SIL1: variants seen among roughly 807,000 people sequenced by gnomAD.
SIL1 encodes the protein SIL1 nucleotide exchange factor, also known as nucleotide exchange factor SIL1.
SIL1 carries 40 observed loss-of-function variants against 49.1 expected under a neutral mutation model. The ratio of observed to expected loss-of-function variants is 0.81; its 90% CI spans 0.63 to 1.06. The LOEUF (loss-of-function observed/expected upper bound fraction) is 1.06. Ranked by LOEUF, SIL1 falls within the 50% of genes least tolerant of loss-of-function variation. The pLI is 0.00. For missense variants in SIL1, 500 were observed against 572.6 expected (o/e 0.87, Z 1.29); for synonymous variants, 253 against 250.8 (o/e 1.01, Z -0.08).
At chr5:139,188,881 CAA>C (rs1250775121) in intron 1 of SIL1, among the ~76,000 whole-genome samples, 2 of 152,130 alleles carry the variant, frequency 1.3e-5, no homozygotes, top group East Asian at 3.8e-4. Context: ...GAGCACCTGA[CAA>C]GAGAGAACCT....
At chr5:139,134,068 G>A (rs1434027219) in intron 1 of SIL1, among the ~76,000 whole-genome samples, 1 of 152,132 alleles carries the variant, frequency 6.6e-6, no homozygotes, top group East Asian at 1.9e-4. Flanking sequence ...TGAATAGGAA[G>A]TACTGGGTAC....
chr5:139,158,534 G>A (rs1751446830), intron 1 of SIL1, among the ~76,000 whole-genome samples: 1 of 152,160 alleles, frequency 6.6e-6, no homozygotes, highest in South Asian at 2.1e-4. Flanking sequence ...AGTACCTGAA[G>A]GGAGCCCACC....
intron 3 of SIL1, among the ~76,000 whole-genome samples, chr5:139,055,589 A>ACTCTCCCTCTCC (rs747907072): frequency 1.8e-5 from 2 of 110,100 alleles, no homozygotes; most frequent in East Asian, 2.5e-4. Context: ...AACATCACTG[A>ACTCTCCCTCTCC]CTCTCCCTCT....
intron 7 of SIL1, among the ~76,000 whole-genome samples, chr5:138,996,669 G>A (rs1767877462): frequency 6.6e-6 from 1 of 151,712 alleles, no homozygotes; most frequent in African/African-American, 2.4e-5. Context: ...ACAGGTGCGA[G>A]CCACCACGCC....
chr5:139,072,278 G>A (rs911712535), intron 3 of SIL1, among the ~76,000 whole-genome samples: 3 of 152,010 alleles, frequency 2.0e-5, no homozygotes, highest in African/African-American at 7.2e-5. Flanking sequence ...AAATAACTCA[G>A]AATACCAGTC....
chr5:139,030,256 G>A (rs1189242138), intron 5 of SIL1, among the ~76,000 whole-genome samples: 1 of 152,064 alleles, frequency 6.6e-6, no homozygotes, highest in African/African-American at 2.4e-5. Flanking sequence ...CCTGAGGCCA[G>A]GAGTTCAAAA....
chr5:139,087,603 C>G (rs970756988), intron 3 of SIL1, among the ~76,000 whole-genome samples: 1 of 151,946 alleles, frequency 6.6e-6, no homozygotes, highest in East Asian at 1.9e-4. Flanking sequence ...TGAGGTGAAA[C>G]AATAGGCTTA....
At chr5:139,028,744 AGTTTT>A (rs1768719947) in intron 5 of SIL1, among the ~76,000 whole-genome samples, 1 of 152,184 alleles carries the variant, frequency 6.6e-6, no homozygotes, top group Admixed American at 6.5e-5. Flanking sequence ...GGATTTCACC[AGTTTT>A]TACATATACT....
At chr5:138,963,068 T>G (rs1304920378) in intron 7 of SIL1, among the ~76,000 whole-genome samples, 2 of 152,104 alleles carry the variant, frequency 1.3e-5, no homozygotes, top group Admixed American at 6.5e-5. Flanking sequence ...TTTATCAACT[T>G]TATTAGAGAA....
intron 7 of SIL1, among the ~76,000 whole-genome samples, chr5:138,979,954 A>C (rs1442550325): frequency 1.3e-5 from 2 of 152,182 alleles, no homozygotes; most frequent in Admixed American, 1.3e-4. Flanking sequence ...CACCCGGGTG[A>C]GCAAAAGACA....
At chr5:139,094,157 A>C in intron 3 of SIL1, among the ~76,000 whole-genome samples, 1 of 152,222 alleles carries the variant, frequency 6.6e-6, no homozygotes, top group Non-Finnish European at 1.5e-5. Flanking sequence ...TGCTGAGCAA[A>C]AGTGGAAAAG....
intron 1 of SIL1, among the ~76,000 whole-genome samples, chr5:139,197,411 A>C (rs996838683): frequency 1.1e-4 from 16 of 151,836 alleles, no homozygotes; most frequent in African/African-American, 3.6e-4. Context: ...GTTTTTATTT[A>C]GGTTTATTGA....
In SIL1 at chr5:138,947,339, C is replaced by T. The variant is rs755849572; in HGVS notation, c.1164G>A (p.Leu388=). The change falls in exon 10 of 10, where the codon CTG becomes CTA. Residue 388 remains leucine (L), a synonymous_variant. Coordinates refer to ENST00000394817, the MANE Select transcript of SIL1 (RefSeq NM_022464.5). This position sits in a 1 kb window ranked among gnomAD's most constrained non-coding sequence, Gnocchi z 4.1. ...WCEITAHLLA[L]PEHDAREKVL... ...CCTTCTCACGGGCATCATGCTCGGG[C>T]AGCGCCAGGAGGTGGGCCGTGATCT... is the stretch of plus-strand genomic sequence containing the variant. The T allele has an allele frequency of 6.2e-7, 1 of 1,613,634 alleles. No homozygotes were observed. Among genetic ancestry groups the T allele is most frequent in the Non-Finnish European group, 8.5e-7 (1 of 1,180,042 alleles).
At chr5:139,117,959 G>A (rs575352548) in intron 3 of SIL1, among the ~76,000 whole-genome samples, 3 of 152,222 alleles carry the variant, frequency 2.0e-5, no homozygotes, top group East Asian at 1.9e-4. Context: ...AACAGCCCAC[G>A]AAACCTAGTT....
At chr5:139,197,662 G>C (rs1752304131) in intron 1 of SIL1, among the ~76,000 whole-genome samples, 1 of 152,128 alleles carries the variant, frequency 6.6e-6, no homozygotes, top group Non-Finnish European at 1.5e-5. Flanking sequence ...TTCTGAAGCA[G>C]GGATTTTCAA....
chr5:139,049,567 T>C (rs1769242632), intron 4 of SIL1, among the ~76,000 whole-genome samples: 2 of 152,080 alleles, frequency 1.3e-5, no homozygotes, highest in African/African-American at 4.8e-5. Flanking sequence ...GGCAGGAAGA[T>C]CACTTGAGTC....
intron 3 of SIL1, among the ~76,000 whole-genome samples, chr5:139,094,707 T>C (rs913742795): frequency 4.6e-5 from 7 of 152,206 alleles, no homozygotes; most frequent in African/African-American, 1.7e-4. Flanking sequence ...AGTACAGTTG[T>C]CAAAACTAAG....
chr5:139,156,821 C>T (rs561329748), intron 1 of SIL1, among the ~76,000 whole-genome samples: 57 of 152,336 alleles, frequency 3.7e-4, no homozygotes, highest in African/African-American at 1.2e-3. Flanking sequence ...TGATTTCAGA[C>T]TTCTGGCCTC....
chr5:139,002,382 G>A (rs1768006647), intron 7 of SIL1, among the ~76,000 whole-genome samples: 1 of 152,068 alleles, frequency 6.6e-6, no homozygotes, highest in South Asian at 2.1e-4. Context: ...TTAAATCTGG[G>A]TAGTGAGCGT....
Sources: gnomAD v4.1 joint callset for allele counts (sites outside exome capture counted in the v4.1 genomes callset) on GRCh38, gnomAD v4.1.1 for gene constraint, Gnocchi (gnomAD v3.1) non-coding constraint, MANE v1.5 for transcripts, NCBI Gene and HGNC (gene_info 2026-07-23, HGNC 2026-07-21) for gene names.